The following XPC variants were observed in gnomAD, a reference collection of about 807,000 sequenced individuals.
XPC encodes the protein DNA repair protein complementing XP-C cells.
Under a neutral mutation model 95.8 loss-of-function variants are expected in XPC, and 76 were observed. The observed-to-expected ratio is 0.79, with a 90% CI of 0.66 to 0.96. The LOEUF is 0.96. XPC is among the 40% of genes least tolerant of loss of function. The probability of loss-of-function intolerance (pLI) is 0.00; values close to 1 mark genes in which losing one functional copy is unlikely to be tolerated. For synonymous variants in XPC, 442 were observed against 442.1 expected (o/e 1.00, Z 0.00); for missense variants, 1,146 against 1,179.8 (o/e 0.97, Z 0.42).
Position 14,156,474 on chromosome 3 carries a change from G to A in XPC, c.1894C>T (p.Gln632Ter), listed in dbSNP as rs3731139. The A allele has an allele frequency of 1.2e-6, 2 of 1,613,962 alleles. No individual in the cohort carries two copies. The highest frequency in any genetic ancestry group is 1.7e-6 in the Non-Finnish European group (2 of 1,179,866). Residue 632 changes from glutamine (Q) to a stop codon, truncating the protein, a stop_gained, in exon 10 of 16, where the codon CAG becomes TAG. Coordinates refer to ENST00000285021, the MANE Select transcript of XPC (RefSeq NM_004628.5). LOFTEE classifies it high-confidence loss of function. ...AAGCCAATGGCAGTGGGCAAAGGCT[G>A]GTCCATGTGTTTAGCCTGAAACTGC... ...DLEFQAKHMD[Q>*]PLPTAIGLYK... is the part of the protein sequence containing the mutation.
At chr3:14,168,480 G>T in intron 3 of XPC, 100 bp from the exon 4 acceptor site, 1 of 1,449,832 alleles carries the variant, frequency 6.9e-7, no homozygotes, top group Non-Finnish European at 9.4e-7. Flanking sequence ...AGGAAGTGAG[G>T]CATGAATGTG....
intron 1 of XPC, among the ~76,000 whole-genome samples, chr3:14,177,484 G>A (rs1696873176): frequency 6.6e-6 from 1 of 152,062 alleles, no homozygotes; most frequent in Admixed American, 6.6e-5. Context: ...CTAGGCAGAA[G>A]GAACATCAAA....
Position 14,156,373 on chromosome 3 carries a change from G to A in XPC, c.1995C>T (p.Ala665=). The A allele has an allele frequency of 1.9e-6, 3 of 1,613,942 alleles. No homozygotes were observed. Among genetic ancestry groups the A allele is most frequent in the Admixed American group, 1.7e-5 (1 of 60,014 alleles). ...KYEAIYPETA[A]ILGYCRGEAV... ...CTTCTCCACGACAATACCCAAGGAT[G>A]GCAGCTGTCTCGGGATAGATGGCCT... The change falls in exon 10 of 16, where the codon GCC becomes GCT. Residue 665 remains alanine, a synonymous_variant. Transcript: ENST00000285021.
intron 7 of XPC, among the ~76,000 whole-genome samples, chr3:14,163,616 T>C (rs1696253042): frequency 6.7e-6 from 1 of 150,244 alleles, no homozygotes; most frequent in Non-Finnish European, 1.5e-5. Context: ...CAATGAGGAG[T>C]TTAATGCGTA....
intron 6 of XPC, 54 bp downstream of exon 6, chr3:14,165,374 G>A: frequency 6.6e-7 from 1 of 1,517,382 alleles, no homozygotes; most frequent in South Asian, 1.3e-5. Context: ...CAGCCTCTGA[G>A]AGAAACACAA....
intron 7 of XPC, among the ~76,000 whole-genome samples, chr3:14,161,914 C>T (rs920173867): frequency 1.3e-4 from 19 of 151,794 alleles, no homozygotes; most frequent in African/African-American, 4.6e-4. Flanking sequence ...TCAAAGAATG[C>T]ACAAGAAAGC....
At position 14,172,908 on chromosome 3, in the gene XPC, C is replaced by T; in HGVS notation, c.258G>A (p.Lys86=). The change falls in exon 2 of 16, where the codon AAG becomes AAA. Residue 86 remains lysine (K), a synonymous_variant. Coordinates refer to ENST00000285021, the MANE Select transcript of XPC (RefSeq NM_004628.5). ...CGCTGAGGGCTTCATCCTTTATAAC[C>T]TTGAGGTTTTCAGATTTAACAGTCA... ...AKVTVKSENL[K]VIKDEALSDG... The T allele has an allele frequency of 1.9e-6, 3 of 1,614,010 alleles. No homozygotes were observed. Among genetic ancestry groups the T allele is most frequent in the South Asian group, 2.2e-5 (2 of 91,082 alleles).
intron 4 of XPC, 53 bp from the exon 5 acceptor site, chr3:14,167,306 T>C (rs1205309555): frequency 2.0e-6 from 3 of 1,484,312 alleles, no homozygotes; most frequent in East Asian, 2.4e-5. Flanking sequence ...GAAACCAGAC[T>C]CCACTCCCCC....
At chr3:14,147,166 G>A (rs915676066) in intron 15 of XPC, 124 bp downstream of exon 15, 2 of 986,016 alleles carry the variant, frequency 2.0e-6, no homozygotes, top group Non-Finnish European at 1.5e-6. Context: ...AGAAGACTGA[G>A]GTGTCCTAAC....
In XPC at chr3:14,158,490, G is replaced by A; in HGVS notation, c.1393C>T (p.Pro465Ser). The change falls in exon 9 of 16, where the codon CCA (proline) becomes TCA (serine). Residue 465 changes from proline to serine, a missense_variant. Physicochemically the swap from Pro to Ser is moderately conservative, Grantham distance 74. Coordinates refer to ENST00000285021, the MANE Select transcript of XPC (RefSeq NM_004628.5). This position sits in a 1 kb window ranked among gnomAD's most constrained non-coding sequence, Gnocchi z 5.2. ...GGAGCGGGGGCTTTCCTCTGCTTTG[G>A]AGGGCCAGGTTCGGAATCCTCATCA... ...PSDEDSEPGP[P>S]KQRKAPAPQR... 5.0e-6 allele frequency: 8 copies of A among 1,612,352 alleles called. No individual in the cohort carries two copies. The highest frequency in any genetic ancestry group is 6.8e-6 in the Non-Finnish European group (8 of 1,178,904).
chr3:14,168,946 T>A (rs534818068), intron 3 of XPC, among the ~76,000 whole-genome samples: 1 of 152,354 alleles, frequency 6.6e-6, no homozygotes, highest in South Asian at 2.1e-4. Flanking sequence ...TGGATCTAAT[T>A]GAAAACTTCA....
chr3:14,155,243 C>T (rs1364740254), intron 10 of XPC, among the ~76,000 whole-genome samples: 2 of 152,212 alleles, frequency 1.3e-5, no homozygotes, highest in Admixed American at 1.3e-4. Flanking sequence ...ACTCAAATCG[C>T]CCACTCTCAT....
intron 1 of XPC, 80 bp from the exon 2 acceptor site, chr3:14,173,142 C>T (rs942366903): frequency 1.6e-5 from 22 of 1,373,940 alleles, no homozygotes; most frequent in African/African-American, 7.4e-5. Flanking sequence ...GGGCATAAAA[C>T]GGCTCTATGA....
At chr3:14,169,057 C>T (rs1445603089) in intron 3 of XPC, among the ~76,000 whole-genome samples, 1 of 152,146 alleles carries the variant, frequency 6.6e-6, no homozygotes, top group African/African-American at 2.4e-5. Flanking sequence ...ATACATGAAT[C>T]TCTATTAAAA....
intron 9 of XPC, among the ~76,000 whole-genome samples, chr3:14,157,134 C>T (rs111754034): frequency 0.048 from 7,287 of 152,200 alleles, 233 homozygotes; most frequent in Middle Eastern, 0.15. Flanking sequence ...GCTTCCACTG[C>T]GCTTTAGGTA....
rs1367501024 is a variant in XPC at position 14,145,189 on chromosome 3, T to A, written c.*752A>T. The A allele has an allele frequency of 1.9e-6, 1 of 521,180 alleles. No individual in the cohort carries two copies. The highest frequency in any genetic ancestry group is 3.4e-6 in the Non-Finnish European group (1 of 294,234). The allele number at this position is 521,180 out of a possible 1,614,324, so 32.3% of individuals were successfully genotyped here. A position where few individuals can be genotyped will look rare whatever the true frequency, so the allele number is the denominator to read the frequency against. On this transcript the variant is annotated 3_prime_UTR_variant, in exon 16 of 16. Transcript: ENST00000285021. ...TTATTTTCTCAAAATGTTATAAAAG[T>A]CATTTCTCCTTAGTACAGAGAGCTT...
chr3:14,159,261 T>C (rs1696070243), intron 8 of XPC, among the ~76,000 whole-genome samples: 1 of 152,220 alleles, frequency 6.6e-6, no homozygotes, highest in African/African-American at 2.4e-5. Flanking sequence ...CTACCCACCT[T>C]GGACATACGC....
intron 1 of XPC, among the ~76,000 whole-genome samples, chr3:14,177,882 T>G (rs1487414995): frequency 6.6e-6 from 1 of 152,164 alleles, no homozygotes; most frequent in Non-Finnish European, 1.5e-5. Context: ...CTGACTGGAC[T>G]TGCTGACGGA....
chr3:14,178,530 T>A lies in XPC; in HGVS notation c.39A>T (p.Gly13=). The change falls in exon 1 of 16, where the codon GGA becomes GGT. Residue 13 remains glycine (G), a synonymous_variant. Coordinates refer to ENST00000285021, the MANE Select transcript of XPC (RefSeq NM_004628.5). ...RKRAAGGEPR[G]RELRSQKSKA... is the part of the protein sequence containing the mutation. ...TGGATTTCTGGCTGCGCAGTTCGCG[T>A]CCCCGCGGCTCCCCGCCGGCCGCGC... 1.2e-6 allele frequency: 2 copies of A among 1,612,670 alleles called. No individual in the cohort carries two copies. The highest frequency in any genetic ancestry group is 1.7e-6 in the Non-Finnish European group (2 of 1,179,594).
Sources: gnomAD v4.1 joint callset for allele counts (sites outside exome capture counted in the v4.1 genomes callset) on GRCh38, gnomAD v4.1.1 for gene constraint, Gnocchi (gnomAD v3.1) non-coding constraint, MANE v1.5 for transcripts, NCBI Gene and HGNC (gene_info 2026-07-23, HGNC 2026-07-21) for gene names.